Variants in MYH9 observed in about 807,000 individuals in gnomAD.
MYH9 encodes the protein myosin heavy chain 9.
MYH9 carries 29 observed loss-of-function variants against 241.9 expected under a neutral mutation model. The ratio of observed to expected loss-of-function variants is 0.12; its 90% CI spans 0.09 to 0.16. MYH9 has a LOEUF of 0.16. Among genes scored for constraint, MYH9 ranks in the 10% least tolerant of loss-of-function variants. The probability of loss-of-function intolerance (pLI) is 1.00; values close to 1 mark genes in which losing one functional copy is unlikely to be tolerated. For synonymous variants in MYH9, 1,047 were observed against 1,062.6 expected, an observed-to-expected ratio of 0.99 and a Z score of 0.29; for missense variants, 1,803 against 2,595.5, an observed-to-expected ratio of 0.69 and a Z score of 6.63.
At chr22:36,309,766 T>A (rs1239795605) in intron 14 of MYH9, among the ~76,000 whole-genome samples, 1 of 152,294 alleles carries the variant, frequency 6.6e-6, no homozygotes, top group Non-Finnish European at 1.5e-5. Flanking sequence ...TATTTCTTTT[T>A]AGTCATAAGA....
At chr22:36,292,335 AGG>A in intron 30 of MYH9, 101 bp from the exon 31 acceptor site, 1 of 1,502,970 alleles carries the variant, frequency 6.7e-7, no homozygotes, top group Non-Finnish European at 9.2e-7. Flanking sequence ...ACACCGTGGA[AGG>A]GGCACCAGGG....
intron 5 of MYH9, among the ~76,000 whole-genome samples, chr22:36,323,954 C>A (rs1853390413): frequency 6.6e-6 from 1 of 152,222 alleles, no homozygotes; most frequent in Non-Finnish European, 1.5e-5. Context: ...CTCGGGCGGG[C>A]CTGGGAAGTC....
chr22:36,300,365 A>G lies in MYH9; in HGVS notation c.2839-101T>C. On this transcript the variant is annotated intron_variant, in intron 22 of 40. Transcript: ENST00000216181. This position sits in a 1 kb window ranked among gnomAD's most constrained non-coding sequence, Gnocchi z 5.0. ...GCCAGATCCAAACGCCAAGGAGAAA[A>G]TAGCAAGGTCTGTGAGCCCAGGGCC... is the stretch of plus-strand genomic sequence containing the variant. 2 of 1,543,598 alleles carry G rather than the reference A, an allele frequency of 1.3e-6. No homozygotes were observed. Among genetic ancestry groups the G allele is most frequent in the Non-Finnish European group, 1.8e-6 (2 of 1,130,806 alleles).
chr22:36,315,656 G>A (rs775178659), intron 12 of MYH9, among the ~76,000 whole-genome samples: 4 of 152,076 alleles, frequency 2.6e-5, no homozygotes, highest in Admixed American at 6.5e-5. Flanking sequence ...GCTGAGGTGG[G>A]AGAATGGCTT....
In MYH9 at chr22:36,300,241, C is replaced by T. The variant is rs2016855350; in HGVS notation, c.2862G>A (p.Glu954=). The change falls in exon 23 of 41, where the codon GAG becomes GAA. Residue 954 remains glutamate (E), a synonymous_variant. Transcript: ENST00000216181. This position sits in a 1 kb window ranked among gnomAD's most constrained non-coding sequence, Gnocchi z 5.0. Reference sequence around the variant, plus strand: ...GCAGCTTCTGCCGGGCGCTCTCCTCCTCCTCCAGCTGCTCCTCAAGCTCCT... The same window carrying T: ...GCAGCTTCTGCCGGGCGCTCTCCTCTTCCTCCAGCTGCTCCTCAAGCTCCT... The part of the protein sequence containing the change: ...NIQELEEQLE[E]EESARQKLQL... 6.2e-7 allele frequency: 1 copy of T among 1,613,386 alleles called. No homozygotes were observed. Among genetic ancestry groups the T allele is most frequent in the African/African-American group, 1.3e-5 (1 of 74,954 alleles).
chr22:36,313,539 A>G (rs1270214550), intron 13 of MYH9, among the ~76,000 whole-genome samples: 1 of 152,080 alleles, frequency 6.6e-6, no homozygotes, highest in Non-Finnish European at 1.5e-5. Flanking sequence ...ACAAGCCTAA[A>G]ACACAAACAG....
intron 24 of MYH9, 117 bp downstream of exon 24, chr22:36,298,802 C>T: frequency 2.0e-6 from 3 of 1,498,028 alleles, no homozygotes; most frequent in Non-Finnish European, 2.7e-6. Flanking sequence ...GTAGTGTGAC[C>T]CAGGCTCACC....
chr22:36,333,666 T>A (rs1351371119), intron 3 of MYH9, among the ~76,000 whole-genome samples: 1 of 152,248 alleles, frequency 6.6e-6, no homozygotes, highest in East Asian at 1.9e-4. Flanking sequence ...TTTCTTTAGT[T>A]GTAGGGAATT....
At chr22:36,335,704 G>T (rs1157143490) in intron 3 of MYH9, among the ~76,000 whole-genome samples, 1 of 152,230 alleles carries the variant, frequency 6.6e-6, no homozygotes, top group Non-Finnish European at 1.5e-5. Flanking sequence ...CTGAGCTGGA[G>T]ATAAGAATTC....
chr22:36,359,606 TC>T (rs2017905999), intron 1 of MYH9, among the ~76,000 whole-genome samples: 1 of 152,250 alleles, frequency 6.6e-6, no homozygotes, highest in South Asian at 2.1e-4. Context: ...TACATATAGT[TC>T]AACCATCTCT....
intron 1 of MYH9, among the ~76,000 whole-genome samples, chr22:36,381,501 G>A (rs1425272408): frequency 6.7e-6 from 1 of 149,202 alleles, no homozygotes; most frequent in Non-Finnish European, 1.5e-5. Flanking sequence ...GGGCAACAGA[G>A]CGAGACTCCA....
chr22:36,285,436 C>T lies in MYH9; in HGVS notation c.5275-107G>A, dbSNP rs1174968930. On this transcript the variant is annotated intron_variant, in intron 37 of 40. Transcript: ENST00000216181. This position sits in a 1 kb window ranked among gnomAD's most constrained non-coding sequence, Gnocchi z 7.0. ...CAGGATCCCACCAAACCCTTGGGGT[C>T]CAGAGTCTTGGGTCTCCCAGAAAAG... 1.4e-6 allele frequency: 2 copies of T among 1,382,934 alleles called. No homozygotes were observed. Among genetic ancestry groups the T allele is most frequent in the Non-Finnish European group, 2.0e-6 (2 of 986,250 alleles). 85.7% of individuals were successfully genotyped at this position (1,382,934 alleles called of 1,614,324 possible).
intron 3 of MYH9, among the ~76,000 whole-genome samples, chr22:36,334,266 CCAGCTCGCAT>C (rs1279679013): frequency 2.6e-5 from 4 of 152,246 alleles, no homozygotes; most frequent in Admixed American, 6.5e-5. Context: ...CACAAAGCAG[CCAGCTCGCAT>C]CAGCTCGAGG....
chr22:36,299,004 G>A lies in MYH9; in HGVS notation c.3015C>T (p.Thr1005=). ...KLLEDRIAEF[T]TNLTEEEEKS... ...TCTCCTCCTCTTCTGTGAGGTTGGT[G>A]GTGAACTCAGCTATTCTGTCTTCCA... The change falls in exon 24 of 41, where the codon ACC becomes ACT. Residue 1005 remains threonine, a synonymous_variant. Transcript: ENST00000216181. 1 of 1,614,110 alleles carries A rather than the reference G, an allele frequency of 6.2e-7. No homozygotes were observed. Among genetic ancestry groups the A allele is most frequent in the Non-Finnish European group, 8.5e-7 (1 of 1,179,994 alleles).
intron 11 of MYH9, among the ~76,000 whole-genome samples, chr22:36,317,834 G>T (rs980690520): frequency 6.6e-6 from 1 of 152,266 alleles, no homozygotes; most frequent in Non-Finnish European, 1.5e-5. Flanking sequence ...CTCGAGGATG[G>T]CGGGAGCCGC....
intron 3 of MYH9, chr22:36,328,732 C>T (rs1021560802): frequency 2.0e-5 from 3 of 152,238 alleles, no homozygotes; most frequent in African/African-American, 4.8e-5. Context: ...TGGGAGCATC[C>T]GTGGCTGTTG....
intron 1 of MYH9, among the ~76,000 whole-genome samples, chr22:36,354,769 A>G (rs2017826031): frequency 6.6e-6 from 1 of 151,954 alleles, no homozygotes. Flanking sequence ...CTTGAGATAC[A>G]TTCCCAGGAG....
At chr22:36,327,415 C>T in intron 4 of MYH9, 46 bp downstream of exon 4, 1 of 1,611,856 alleles carries the variant, frequency 6.2e-7, no homozygotes, top group Non-Finnish European at 8.5e-7. Flanking sequence ...AGAATGAGAA[C>T]AGACTGGGGT....
Position 36,300,076 on chromosome 22 carries a change from C to T in MYH9, c.2976+51G>A, listed in dbSNP as rs1259983489. 2 of 1,603,020 alleles carry T rather than the reference C, an allele frequency of 1.2e-6. No individual in the cohort carries two copies. Among genetic ancestry groups the T allele is most frequent in the East Asian group, 2.2e-5 (1 of 44,890 alleles). ...GGCCCTGCAAGGGTGACCACACTCT[C>T]CCATCCACGGCGCCCCTGGAGCAGC... On this transcript the variant is annotated intron_variant, in intron 23 of 40. Coordinates refer to ENST00000216181, the MANE Select transcript of MYH9 (RefSeq NM_002473.6). The surrounding 1 kb of genome is among the most constrained non-coding windows in gnomAD (Gnocchi z 5.0).
Sources: allele counts gnomAD v4.1 joint callset (sites outside exome capture counted in the v4.1 genomes callset), GRCh38; gene constraint gnomAD v4.1.1; non-coding constraint Gnocchi (gnomAD v3.1); transcripts MANE v1.5; gene names NCBI Gene and HGNC (gene_info 2026-07-23, HGNC 2026-07-21).